The following NARF variants were observed in gnomAD, a reference collection of about 807,000 sequenced individuals.
NARF encodes the protein nuclear prelamin A recognition factor, also known as iron-only hydrogenase-like protein 2.
NARF carries 41 observed loss-of-function variants against 48.0 expected under a neutral mutation model. The observed-to-expected ratio is 0.85, with a 90% confidence interval of 0.66 to 1.11. NARF has a LOEUF of 1.11. Among genes scored for constraint, NARF ranks in the 50% least tolerant of loss-of-function variants. NARF has a pLI of 0.00. For synonymous variants in NARF, 215 were observed against 225.5 expected, an observed-to-expected ratio of 0.95 and a Z score of 0.42; for missense variants, 613 against 590.2, an observed-to-expected ratio of 1.04 and a Z score of -0.40.
In NARF at chr17:82,460,082, T is replaced by C; in HGVS notation, c.108+10T>C. 6.2e-7 allele frequency: 1 copy of C among 1,612,404 alleles called. No homozygotes were observed. Among genetic ancestry groups the C allele is most frequent in the Non-Finnish European group, 8.5e-7 (1 of 1,178,736 alleles). ...CCAGGAAAATGGAGAGGCAAGTAGA[T>C]TTTTCAGTTTTGTATCAGCCCAGAG... On this transcript the variant is annotated intron_variant, in intron 2 of 10. Coordinates refer to ENST00000309794, the MANE Select transcript of NARF (RefSeq NM_012336.4).
At chr17:82,484,645 C>A in intron 8 of NARF, 168 bp from the exon 9 acceptor site, 1 of 769,084 alleles carries the variant, frequency 1.3e-6, no homozygotes, top group South Asian at 2.4e-5. Context: ...TCCCAAGACC[C>A]CTCAAGATGC....
intron 5 of NARF, among the ~76,000 whole-genome samples, chr17:82,473,409 T>C (rs2043761022): frequency 6.6e-6 from 1 of 151,756 alleles, no homozygotes; most frequent in Non-Finnish European, 1.5e-5. Context: ...ATTCTTTTTT[T>C]TTTGTTGTTG....
At chr17:82,473,344 G>A (rs2043758822) in intron 5 of NARF, among the ~76,000 whole-genome samples, 1 of 150,186 alleles carries the variant, frequency 6.7e-6, no homozygotes, top group Admixed American at 6.6e-5. Context: ...GCCCAGGCTG[G>A]AGTGCAGTGG....
chr17:82,470,711 G>A (rs2043679563), intron 4 of NARF, among the ~76,000 whole-genome samples: 1 of 151,908 alleles, frequency 6.6e-6, no homozygotes, highest in South Asian at 2.1e-4. Context: ...AGCCAGGATG[G>A]TCTCGATCTC....
chr17:82,488,154 G>A lies in NARF; in HGVS notation c.1368G>A (p.Trp456Ter). 1 of 1,613,596 alleles carries A rather than the reference G, an allele frequency of 6.2e-7. No homozygotes were observed. Among genetic ancestry groups the A allele is most frequent in the Non-Finnish European group, 8.5e-7 (1 of 1,179,748 alleles). ...ERGTHSLDIK[W>*] ...GCACACACAGCCTGGACATCAAGTGGTGAAGTCAGGCCAGGGCCTTCCAGC... is the reference window on the plus strand; with the variant it reads ...GCACACACAGCCTGGACATCAAGTGATGAAGTCAGGCCAGGGCCTTCCAGC... Residue 456 changes from tryptophan to a stop codon, truncating the protein, a stop_gained, in exon 11 of 11, where the codon TGG becomes TGA. Coordinates refer to ENST00000309794, the MANE Select transcript of NARF (RefSeq NM_012336.4). LOFTEE classifies it high-confidence loss of function.
chr17:82,467,183 A>G (rs2043590597), intron 3 of NARF, among the ~76,000 whole-genome samples: 1 of 151,648 alleles, frequency 6.6e-6, no homozygotes, highest in Admixed American at 6.6e-5. Flanking sequence ...AGTATCTGGG[A>G]TTACAGGTGC....
chr17:82,458,931 G>A, intron 1 of NARF, 101 bp downstream of exon 1: 3 of 1,237,122 alleles, frequency 2.4e-6, no homozygotes, highest in Non-Finnish European at 3.0e-6. Context: ...CTCGCTTCAG[G>A]GCTCTTCAAG....
At chr17:82,487,776 G>GC in intron 10 of NARF, 140 bp from the exon 11 acceptor site, 6 of 328,866 alleles carry the variant, frequency 1.8e-5, no homozygotes, top group Non-Finnish European at 3.0e-5. Flanking sequence ...AGCAACACCC[G>GC]CCCCTCCCGC....
chr17:82,467,422 T>TG (rs1420467006), intron 3 of NARF, among the ~76,000 whole-genome samples: 1 of 152,230 alleles, frequency 6.6e-6, no homozygotes, highest in Non-Finnish European at 1.5e-5. Context: ...CAGTATTTTT[T>TG]TAGAACAGTT....
At position 82,458,766 on chromosome 17, in the gene NARF, A is replaced by C. The variant is rs1208202883; in HGVS notation, c.-38A>C. 1 of 1,473,238 alleles carries C rather than the reference A, an allele frequency of 6.8e-7. No individual in the cohort carries two copies. The highest frequency in any genetic ancestry group is 8.9e-7 in the Non-Finnish European group (1 of 1,118,114). 91.3% of individuals were successfully genotyped at this position (1,473,238 alleles called of 1,614,324 possible). A position where few individuals can be genotyped will look rare whatever the true frequency, so the allele number is the denominator to read the frequency against. On this transcript the variant is annotated 5_prime_UTR_variant, in exon 1 of 11. Coordinates refer to ENST00000309794, the MANE Select transcript of NARF (RefSeq NM_012336.4). ...GTCCCAGTCTCCCGGTGCTTCCCTG[A>C]GGCTGAGGCGCCCGGCCTCCCGCCC...
At chr17:82,460,184 C>T (rs765376734) in intron 2 of NARF, 112 bp downstream of exon 2, 1 of 881,378 alleles carries the variant, frequency 1.1e-6, no homozygotes, top group Non-Finnish European at 1.7e-6. Flanking sequence ...GACTGAAGTA[C>T]GCGGGCATGG....
At chr17:82,458,475 G>T (rs181022176), upstream of NARF, 2 of 315,414 alleles carry the variant, frequency 6.3e-6, no homozygotes, top group South Asian at 1.8e-4. Context: ...ACGAGAAGCG[G>T]AAACCGGCGC....
Position 82,468,353 on chromosome 17 carries a change from C to CT in NARF, c.253-401dup, listed in dbSNP as rs61179712. On this transcript the variant is annotated intron_variant, in intron 3 of 10. Coordinates refer to ENST00000309794, the MANE Select transcript of NARF (RefSeq NM_012336.4). ...TAGCCTGGGCAACAAGGGTGAAACT[C>CT]TTTTTTTTTTGAGACAGAGTATTAC... 840 of 140,560 alleles carry CT rather than the reference C, an allele frequency of 6.0e-3. 9 individuals carry two copies. The highest frequency in any genetic ancestry group is 0.02 in the African/African-American group (721 of 36,604). 8.7% of individuals were successfully genotyped at this position (140,560 alleles called of 1,614,324 possible). A position where few individuals can be genotyped will look rare whatever the true frequency, so the allele number is the denominator to read the frequency against.
chr17:82,474,228 C>T (rs1268584602), intron 5 of NARF, among the ~76,000 whole-genome samples: 1 of 152,008 alleles, frequency 6.6e-6, no homozygotes, highest in African/African-American at 2.4e-5. Flanking sequence ...CTCAGATGTA[C>T]AAATAATTAT....
intron 7 of NARF, chr17:82,481,967 G>A (rs1012409983): frequency 2.0e-5 from 6 of 307,670 alleles, no homozygotes; most frequent in South Asian, 7.6e-5. Flanking sequence ...CCTTTACCAC[G>A]GTATTGGCCA....
Position 82,484,736 on chromosome 17 carries a change from C to T in NARF, c.834-77C>T, listed in dbSNP as rs150215488. The T allele has an allele frequency of 1.6e-5, 24 of 1,487,416 alleles. No homozygotes were observed. In the African/African-American group the frequency reaches 3.3e-4, roughly 20 times the overall value. The allele number at this position is 1,487,416 out of a possible 1,614,324, so 92.1% of individuals were successfully genotyped here. On this transcript the variant is annotated intron_variant, in intron 8 of 10. Transcript: ENST00000309794. Reference sequence around the variant, plus strand: ...TGGCGAACTTGGATTGTGATGCCCTCAGGAAGTCTGGTTTCACTCTTTCTG... The same window carrying T: ...TGGCGAACTTGGATTGTGATGCCCTTAGGAAGTCTGGTTTCACTCTTTCTG...
At chr17:82,468,255 G>A (rs1349742564) in intron 3 of NARF, among the ~76,000 whole-genome samples, 5 of 151,822 alleles carry the variant, frequency 3.3e-5, no homozygotes, top group African/African-American at 4.8e-5. Context: ...AAGTTGCAGC[G>A]AGCTGAGATC....
intron 6 of NARF, chr17:82,480,131 C>T: frequency 7.0e-6 from 2 of 286,434 alleles, no homozygotes; most frequent in Non-Finnish European, 1.3e-5. Flanking sequence ...ACCCAGACCT[C>T]ACCACAGGGT....
At chr17:82,465,700 G>C (rs1357806467) in intron 3 of NARF, among the ~76,000 whole-genome samples, 2 of 152,054 alleles carry the variant, frequency 1.3e-5, no homozygotes, top group Admixed American at 6.6e-5. Context: ...AGAGCAGCTG[G>C]GACTACAGAC....
Sources: allele counts gnomAD v4.1 joint callset (sites outside exome capture counted in the v4.1 genomes callset), GRCh38; gene constraint gnomAD v4.1.1; transcripts MANE v1.5; gene names NCBI Gene and HGNC (gene_info 2026-07-23, HGNC 2026-07-21).